Variants in MLXIPL observed in about 807,000 individuals in gnomAD.
MLXIPL encodes MLX interacting protein like.
A neutral mutation model predicts 81.5 loss-of-function variants in MLXIPL; 49 were observed. That is an observed-to-expected ratio of 0.60 (90% CI 0.48 to 0.76). The LOEUF (loss-of-function observed/expected upper bound fraction) is 0.76, where lower values mean the gene tolerates loss of function less well. Among genes scored for constraint, MLXIPL ranks in the 30% least tolerant of loss-of-function variants. The probability of loss-of-function intolerance (pLI) is 0.00; values close to 1 mark genes in which losing one functional copy is unlikely to be tolerated. For synonymous variants in MLXIPL, 466 were observed against 485.5 expected, an observed-to-expected ratio of 0.96 and a Z score of 0.53; for missense variants, 1,053 against 1,167.0, an observed-to-expected ratio of 0.90 and a Z score of 1.42.
At chr7:73,624,585 C>CA (rs1796608977), upstream of MLXIPL, 3 of 1,428,078 alleles carry the variant, frequency 2.1e-6, no homozygotes, top group Non-Finnish European at 9.1e-7. Flanking sequence ...GCCCCGCCCC[C>CA]ACACCATAGG....
chr7:73,599,492 C>T, intron 8 of MLXIPL, 34 bp downstream of exon 8: 1 of 1,610,638 alleles, frequency 6.2e-7, no homozygotes, highest in Non-Finnish European at 8.5e-7. Context: ...CTCAAGTGAG[C>T]TACACAGGGC....
At chr7:73,612,289 C>A (rs183438631) in intron 2 of MLXIPL, among the ~76,000 whole-genome samples, 2 of 151,888 alleles carry the variant, frequency 1.3e-5, no homozygotes, top group Admixed American at 6.6e-5. Flanking sequence ...TATGTTGGCT[C>A]CACTGCACTC....
At chr7:73,635,023 G>A in the MLXIPL span, among the ~76,000 whole-genome samples, 125 of 143,334 alleles carry the variant, frequency 8.7e-4, no homozygotes, top group Non-Finnish European at 1.5e-3. Flanking sequence ...ATTGGGTTTC[G>A]CCATGTTGGC....
intron 15 of MLXIPL, 44 bp from the exon 16 acceptor site, chr7:73,594,447 C>T (rs1418002165): frequency 6.3e-7 from 1 of 1,598,788 alleles, no homozygotes; most frequent in Non-Finnish European, 8.5e-7. Flanking sequence ...GCTGGTCCCC[C>T]CACACCACGT....
intron 1 of MLXIPL, among the ~76,000 whole-genome samples, chr7:73,617,843 T>C (rs1554601123): frequency 1.3e-5 from 2 of 152,066 alleles, no homozygotes; most frequent in African/African-American, 4.8e-5. Flanking sequence ...AGATCCTGTC[T>C]TGAAGGAAAA....
chr7:73,622,908 A>G (rs1338470818), intron 1 of MLXIPL, among the ~76,000 whole-genome samples: 1 of 152,092 alleles, frequency 6.6e-6, no homozygotes, highest in African/African-American at 2.4e-5. Flanking sequence ...TGGGTGGGAA[A>G]TGGGAGACCC....
intron 8 of MLXIPL, among the ~76,000 whole-genome samples, chr7:73,598,720 C>G (rs1480597073): frequency 1.3e-5 from 2 of 152,102 alleles, no homozygotes; most frequent in Admixed American, 6.6e-5. Context: ...AGCTCACTGT[C>G]TGATGGAGGA....
At chr7:73,642,986 G>C in the MLXIPL span, among the ~76,000 whole-genome samples, 4,743 of 152,266 alleles carry the variant, frequency 0.031, 155 homozygotes, top group Non-Finnish European at 0.037. Flanking sequence ...CCTCTTAATA[G>C]CTTTCAAAAG....
intron 1 of MLXIPL, 108 bp from the exon 2 acceptor site, chr7:73,616,285 G>A (rs1796004523): frequency 9.7e-7 from 1 of 1,030,280 alleles, no homozygotes; most frequent in African/African-American, 1.6e-5. Context: ...CATTTGAGGG[G>A]CCCCTCCAAA....
At chr7:73,631,097 C>T in the MLXIPL span, among the ~76,000 whole-genome samples, 1 of 151,850 alleles carries the variant, frequency 6.6e-6, no homozygotes, top group South Asian at 2.1e-4. Flanking sequence ...CAAGCTCCAT[C>T]TCCTGGGTTC....
chr7:73,621,014 C>T (rs1176572026), intron 1 of MLXIPL, among the ~76,000 whole-genome samples: 1 of 151,660 alleles, frequency 6.6e-6, no homozygotes, highest in Non-Finnish European at 1.5e-5. Context: ...CATGCCAGCG[C>T]ACTCCAGCCT....
At chr7:73,636,960 T>G in the MLXIPL span, among the ~76,000 whole-genome samples, 1 of 149,414 alleles carries the variant, frequency 6.7e-6, no homozygotes, top group Non-Finnish European at 1.5e-5. Flanking sequence ...CTCGGGAGGC[T>G]GAGGCAGGAG....
chr7:73,643,509 G>A, the MLXIPL span, among the ~76,000 whole-genome samples: 50 of 144,480 alleles, frequency 3.5e-4, no homozygotes, highest in Non-Finnish European at 5.6e-4. Context: ...GCGAGACTCC[G>A]TCTCAAAAAA....
chr7:73,627,670 T>C (rs141147798), upstream of MLXIPL, among the ~76,000 whole-genome samples: 41 of 152,244 alleles, frequency 2.7e-4, no homozygotes, highest in East Asian at 7.0e-3. Context: ...GAGGCAAGAC[T>C]GTGTCCTAGC....
At chr7:73,616,848 C>T (rs1440599200) in intron 1 of MLXIPL, among the ~76,000 whole-genome samples, 1 of 51,636 alleles carries the variant, frequency 1.9e-5, no homozygotes, top group Admixed American at 2.2e-4. Flanking sequence ...AACTCCGTCT[C>T]AAAAAAAAAA....
Position 73,606,998 on chromosome 7 carries a change from T to C in MLXIPL, c.594A>G (p.Glu198=), listed in dbSNP as rs138119872. 6.1e-4 allele frequency: 992 copies of C among 1,613,826 alleles called. 3 individuals carry two copies. In the African/African-American group the frequency reaches 7.9e-3, roughly 13 times the overall value. ...YKKRLRKPSR[E]DDLLAPKQAE... ...CCTGCTTAGGGGCCAGGAGGTCATC[T>C]TCCCTGCTGGGCTTACGGAGCTGCA... The change falls in exon 5 of 17, where the codon GAA becomes GAG. Residue 198 remains glutamate, a synonymous_variant. Coordinates refer to ENST00000313375, the MANE Select transcript of MLXIPL (RefSeq NM_032951.3).
chr7:73,597,640 G>T lies in MLXIPL; in HGVS notation c.1145C>A (p.Pro382His), dbSNP rs570039127. The change falls in exon 9 of 17, where the codon CCC (proline) becomes CAC (histidine). Residue 382 changes from proline (P) to histidine (H), a missense_variant. By Grantham distance (77) the Pro-to-His change is moderately conservative. This residue lies in a region of MLXIPL where 823 missense variants were observed against 933.0 expected (regional missense o/e 0.88). Transcript: ENST00000313375. ...AGGAGGGGGTGGGAGCCGGGGCTTG[G>T]GGTCTTCAGGAAGGAGGAAATCAGA... is the stretch of plus-strand genomic sequence containing the variant. ...LSSDFLLPEDPKPRLPPPPVP... is the reference protein window; with the variant it reads ...LSSDFLLPEDHKPRLPPPPVP... 2 of 1,386,958 alleles carry T rather than the reference G, an allele frequency of 1.4e-6. No homozygotes were observed. Among genetic ancestry groups the T allele is most frequent in the Non-Finnish European group, 1.9e-6 (2 of 1,073,934 alleles). 85.9% of individuals were successfully genotyped at this position (1,386,958 alleles called of 1,614,324 possible).
chr7:73,598,993 G>A (rs1794571409), intron 8 of MLXIPL, among the ~76,000 whole-genome samples: 2 of 151,594 alleles, frequency 1.3e-5, no homozygotes, highest in Admixed American at 6.6e-5. Context: ...GCTTGAACAC[G>A]GGAGGCGGAG....
chr7:73,594,431 G>C (rs1554592984), intron 15 of MLXIPL, 28 bp from the exon 16 acceptor site: 1 of 1,599,282 alleles, frequency 6.3e-7, no homozygotes, highest in South Asian at 1.1e-5. Context: ...AGCTGCCTGT[G>C]GTCCAGCTGG....
Sources: allele counts gnomAD v4.1 joint callset (sites outside exome capture counted in the v4.1 genomes callset), GRCh38; gene constraint gnomAD v4.1.1; regional missense constraint gnomAD v4.1.1; transcripts MANE v1.5; gene names NCBI Gene and HGNC (gene_info 2026-07-23, HGNC 2026-07-21).